The following NOSTRIN variants were observed in gnomAD, a reference collection of about 807,000 sequenced individuals.
NOSTRIN encodes BM247 homolog.
NOSTRIN carries 63 observed loss-of-function variants against 59.0 expected under a neutral mutation model. That is an observed-to-expected ratio of 1.07 (90% CI 0.87 to 1.32). The LOEUF is 1.32. Ranked by LOEUF, NOSTRIN falls within the 40% of genes most tolerant of loss-of-function variation. NOSTRIN has a pLI of 0.00. For missense variants in NOSTRIN, 512 were observed against 473.1 expected, an observed-to-expected ratio of 1.08 and a Z score of -0.76; for synonymous variants, 200 against 165.4, an observed-to-expected ratio of 1.21 and a Z score of -1.61.
chr2:168,796,058 C>A (rs6749871), upstream of NOSTRIN, among the ~76,000 whole-genome samples: 1 of 152,288 alleles, frequency 6.6e-6, no homozygotes, highest in South Asian at 2.1e-4. Context: ...CTGCAATGAT[C>A]CCAGACTGAA....
chr2:168,863,695 T>A, intron 15 of NOSTRIN: 1 of 973,276 alleles, frequency 1.0e-6, no homozygotes, highest in Non-Finnish European at 1.2e-6. Context: ...TTTTGGCCTG[T>A]GAAATCAGGG....
intron 1 of NOSTRIN, among the ~76,000 whole-genome samples, chr2:168,810,752 T>C (rs1022216080): frequency 6.6e-6 from 1 of 152,006 alleles, no homozygotes; most frequent in Non-Finnish European, 1.5e-5. Flanking sequence ...CATGAGAGAG[T>C]GTGTCTGGGA....
intron 7 of NOSTRIN, among the ~76,000 whole-genome samples, chr2:168,837,989 A>G (rs368664575): frequency 5.9e-5 from 9 of 152,084 alleles, no homozygotes; most frequent in Admixed American, 3.3e-4. Flanking sequence ...GCCTCACTCT[A>G]TTCTCTTCAC....
intron 2 of NOSTRIN, among the ~76,000 whole-genome samples, chr2:168,821,891 G>A (rs1686763416): frequency 6.6e-6 from 1 of 152,234 alleles, no homozygotes; most frequent in South Asian, 2.1e-4. Context: ...AGCTTTGCAG[G>A]TCAGCAGCAA....
intron 2 of NOSTRIN, chr2:168,818,270 C>T (rs1346682095): frequency 4.7e-6 from 2 of 424,520 alleles, no homozygotes; most frequent in Non-Finnish European, 9.6e-6. Flanking sequence ...CCTCTCGCCT[C>T]AGCCTCTCAA....
At chr2:168,833,373 C>T (rs1056845433) in intron 6 of NOSTRIN, among the ~76,000 whole-genome samples, 1 of 152,196 alleles carries the variant, frequency 6.6e-6, no homozygotes, top group Non-Finnish European at 1.5e-5. Flanking sequence ...TAGAGGGAGG[C>T]AGAAGGCTTT....
intron 2 of NOSTRIN, among the ~76,000 whole-genome samples, chr2:168,819,760 C>T (rs773971915): frequency 2.6e-5 from 4 of 152,178 alleles, no homozygotes; most frequent in Admixed American, 6.5e-5. Flanking sequence ...CCTTCGGGGT[C>T]ATCAATAAGT....
rs963243019 is a variant in NOSTRIN at position 168,865,058 on chromosome 2, T to G, written c.*88T>G. ...AGAATAAAGTGCTCTTACCTTTACA[T>G]GTTTTTCTTTTGAAATGGATGGAGT... On this transcript the variant is annotated 3_prime_UTR_variant, in exon 16 of 16. Coordinates refer to ENST00000317647, the MANE Select transcript of NOSTRIN (RefSeq NM_001039724.4). The G allele has an allele frequency of 2.1e-6, 3 of 1,433,618 alleles. No homozygotes were observed. The highest frequency in any genetic ancestry group is 1.3e-5 in the South Asian group (1 of 78,668). The allele number at this position is 1,433,618 out of a possible 1,614,324, so 88.8% of individuals were successfully genotyped here. A position where few individuals can be genotyped will look rare whatever the true frequency, so the allele number is the denominator to read the frequency against.
At chr2:168,835,703 A>C (rs576908366) in intron 7 of NOSTRIN, among the ~76,000 whole-genome samples, 9 of 152,336 alleles carry the variant, frequency 5.9e-5, no homozygotes, top group African/African-American at 2.2e-4. Context: ...GTGAGGGCCT[A>C]GGGCAGCTTT....
rs186787978 is a variant in NOSTRIN at position 168,838,043 on chromosome 2, A to G, written c.504+3718A>G. ...TGATACAGTACTCTTGATATCAGGT[A>G]CTCGATAAATAATACATACTCAATA... On this transcript the variant is annotated intron_variant, in intron 7 of 15. Coordinates refer to ENST00000317647, the MANE Select transcript of NOSTRIN (RefSeq NM_001039724.4). Among the ~76,000 whole-genome samples the G allele has an allele frequency of 3.3e-5, 5 of 152,196 alleles. No individual in the cohort carries two copies. The East Asian group carries it at 9.7e-4, about 29-fold the overall frequency.
chr2:168,862,027 T>A lies in NOSTRIN; in HGVS notation c.1362T>A (p.Asp454Glu). Residue 454 changes from aspartate (D) to glutamate (E), a missense_variant, in exon 15 of 16, where the codon GAT becomes GAA. Transcript: ENST00000317647. The part of the protein sequence containing the change: ...KALYSFQARQ[D>E]DELNLEKGDI... ...TGTATTCTTTTCAAGCCAGGCAAGA[T>A]GATGAGTTGAATTTGGAAAAGGGTA... is the stretch of plus-strand genomic sequence containing the variant. 1 of 1,614,172 alleles carries A rather than the reference T, an allele frequency of 6.2e-7. No homozygotes were observed. The highest frequency in any genetic ancestry group is 8.5e-7 in the Non-Finnish European group (1 of 1,179,998).
chr2:168,839,188 C>T (rs1368839541), intron 7 of NOSTRIN, among the ~76,000 whole-genome samples: 2 of 152,168 alleles, frequency 1.3e-5, no homozygotes, highest in Non-Finnish European at 2.9e-5. Context: ...CTGTGTGATC[C>T]AACTTCACCA....
chr2:168,812,403 A>C (rs1686191019), intron 2 of NOSTRIN, among the ~76,000 whole-genome samples: 1 of 152,192 alleles, frequency 6.6e-6, no homozygotes, highest in South Asian at 2.1e-4. Context: ...ATCCTGAATT[A>C]GTAGGTTGTA....
At chr2:168,841,245 AAAAAAAAAAAAAAAAAG>A (rs1450986024) in intron 7 of NOSTRIN, among the ~76,000 whole-genome samples, 1 of 47,976 alleles carries the variant, frequency 2.1e-5, no homozygotes, top group Non-Finnish European at 3.7e-5. Flanking sequence ...CAAAAAAAAA[AAAAAAAAAAAAAAAAAG>A]AAAAGAAAAA....
At chr2:168,859,722 G>A in intron 13 of NOSTRIN, 85 bp downstream of exon 13, 2 of 1,500,298 alleles carry the variant, frequency 1.3e-6, no homozygotes, top group East Asian at 2.3e-5. Flanking sequence ...CAAAAAAGGT[G>A]TTAGGAATTC....
chr2:168,809,342 T>A (rs1686021215), intron 1 of NOSTRIN, among the ~76,000 whole-genome samples: 1 of 152,164 alleles, frequency 6.6e-6, no homozygotes, highest in African/African-American at 2.4e-5. Context: ...TGAAACCTCA[T>A]ACAAAACCTT....
At chr2:168,800,848 C>T (rs981693399), upstream of NOSTRIN, among the ~76,000 whole-genome samples, 5 of 149,292 alleles carry the variant, frequency 3.3e-5, no homozygotes, top group African/African-American at 1.2e-4. Flanking sequence ...GAAGCCCCCT[C>T]AAGTGGGAAT....
intron 2 of NOSTRIN, among the ~76,000 whole-genome samples, chr2:168,824,239 ACATGTGTG>A (rs1174170368): frequency 1.4e-4 from 22 of 152,244 alleles, no homozygotes; most frequent in African/African-American, 5.1e-4. Context: ...CTTCTTGCAT[ACATGTGTG>A]CATGTGTGCA....
At position 168,865,055 on chromosome 2, in the gene NOSTRIN, A is replaced by C; in HGVS notation, c.*85A>C. Reference sequence around the variant, plus strand: ...ATAAGAATAAAGTGCTCTTACCTTTACATGTTTTTCTTTTGAAATGGATGG... The same window carrying C: ...ATAAGAATAAAGTGCTCTTACCTTTCCATGTTTTTCTTTTGAAATGGATGG... On this transcript the variant is annotated 3_prime_UTR_variant, in exon 16 of 16. Coordinates refer to ENST00000317647, the MANE Select transcript of NOSTRIN (RefSeq NM_001039724.4). 1 of 1,453,742 alleles carries C rather than the reference A, an allele frequency of 6.9e-7. No individual in the cohort carries two copies. Among genetic ancestry groups the C allele is most frequent in the Non-Finnish European group, 9.4e-7 (1 of 1,067,816 alleles). The allele number at this position is 1,453,742 out of a possible 1,614,324, so 90.1% of individuals were successfully genotyped here.
Sources: allele counts gnomAD v4.1 joint callset (sites outside exome capture counted in the v4.1 genomes callset), GRCh38; gene constraint gnomAD v4.1.1; transcripts MANE v1.5; gene names NCBI Gene and HGNC (gene_info 2026-07-23, HGNC 2026-07-21).